The following RRM1 variants were observed in gnomAD, a reference collection of about 807,000 sequenced individuals.
RRM1 encodes ribonucleoside-diphosphate reductase large subunit.
RRM1 carries 19 observed loss-of-function variants against 101.5 expected under a neutral mutation model. The observed-to-expected ratio is 0.19, with a 90% CI of 0.13 to 0.27. The LOEUF (loss-of-function observed/expected upper bound fraction) is 0.27. Ranked by LOEUF, RRM1 falls within the 10% of genes least tolerant of loss-of-function variation. The probability of loss-of-function intolerance (pLI) is 1.00; values close to 1 mark genes in which losing one functional copy is unlikely to be tolerated. For synonymous variants in RRM1, 298 were observed against 323.4 expected (o/e 0.92, Z 0.84); for missense variants, 500 against 962.9 (o/e 0.52, Z 6.36).
rs142474984 is a variant in RRM1 at position 4,118,314 on chromosome 11, C to T, written c.651-6C>T. The T allele has an allele frequency of 3.0e-5, 48 of 1,607,580 alleles. No individual in the cohort carries two copies. Among genetic ancestry groups the T allele is most frequent in the African/African-American group, 6.7e-5 (5 of 74,634 alleles). On this transcript the variant is annotated splice_region_variant and splice_polypyrimidine_tract_variant and intron_variant, in intron 7 of 18. Coordinates refer to ENST00000300738, the MANE Select transcript of RRM1 (RefSeq NM_001033.5). The stretch of plus-strand genomic sequence containing the variant: ...GCTCTAAGTTGAGACATTTTTTCCC[C>T]CGTAGCTGTTTTCTTCTGAGTATGA...
At chr11:4,102,375 A>C (rs1233140374) in intron 2 of RRM1, among the ~76,000 whole-genome samples, 3 of 152,340 alleles carry the variant, frequency 2.0e-5, no homozygotes. Flanking sequence ...GGAAAAGCCT[A>C]GGCCAGGCGC....
chr11:4,103,514 C>T (rs747744935), intron 2 of RRM1, among the ~76,000 whole-genome samples: 31 of 152,230 alleles, frequency 2.0e-4, no homozygotes, highest in African/African-American at 5.8e-4. Context: ...CATTTTAGAG[C>T]GCAAGAATGT....
chr11:4,127,942 G>T (rs1380215130), intron 14 of RRM1, among the ~76,000 whole-genome samples: 2 of 152,138 alleles, frequency 1.3e-5, no homozygotes, highest in Non-Finnish European at 2.9e-5. Flanking sequence ...CAAGATGTTG[G>T]TAAGGGCTGT....
chr11:4,127,391 T>C, intron 14 of RRM1, 135 bp downstream of exon 14: 1 of 545,306 alleles, frequency 1.8e-6, no homozygotes, highest in Non-Finnish European at 3.0e-6. Flanking sequence ...AAAAAAGGTA[T>C]TTTGCAGATG....
chr11:4,118,766 T>C (rs151323181), intron 8 of RRM1, among the ~76,000 whole-genome samples: 1 of 152,242 alleles, frequency 6.6e-6, no homozygotes, highest in South Asian at 2.1e-4. Context: ...AAGTTTGTTA[T>C]AAATGTTTTA....
chr11:4,100,677 T>C (rs11030934), intron 1 of RRM1, among the ~76,000 whole-genome samples: 18 of 138,732 alleles, frequency 1.3e-4, no homozygotes, highest in African/African-American at 4.5e-4. Context: ...GATTTTTTTT[T>C]CCCCCATAGG....
chr11:4,112,974 A>T (rs1397957849), intron 7 of RRM1, among the ~76,000 whole-genome samples: 1 of 152,158 alleles, frequency 6.6e-6, no homozygotes, highest in African/African-American at 2.4e-5. Context: ...TTAAGATAAA[A>T]ATATATATAA....
intron 6 of RRM1, 43 bp downstream of exon 6, chr11:4,111,683 A>G (rs1276600327): frequency 6.7e-7 from 1 of 1,495,258 alleles, no homozygotes; most frequent in Non-Finnish European, 9.2e-7. Context: ...TCTACTCATT[A>G]TATTGAATGT....
intron 5 of RRM1, among the ~76,000 whole-genome samples, chr11:4,110,160 ATTT>A (rs561332791): frequency 5.0e-4 from 75 of 150,402 alleles, no homozygotes; most frequent in African/African-American, 1.7e-3. Context: ...TTAAAAAAAA[ATTT>A]TTTTTTTGAG....
At chr11:4,095,436 G>T (rs534979020) in intron 1 of RRM1, among the ~76,000 whole-genome samples, 25 of 152,308 alleles carry the variant, frequency 1.6e-4, no homozygotes, top group African/African-American at 5.3e-4. Flanking sequence ...ACCCATAGGT[G>T]ACAATACGGT....
At chr11:4,100,197 A>G (rs186708656) in intron 1 of RRM1, among the ~76,000 whole-genome samples, 94 of 152,340 alleles carry the variant, frequency 6.2e-4, no homozygotes, top group African/African-American at 2.2e-3. Flanking sequence ...GTTAATAGTG[A>G]TGTCTTATTG....
rs367663270 is a variant in RRM1 at position 4,120,116 on chromosome 11, G to A, written c.876+188G>A. ...TACAGTTTGATGGGTTTTGACAAAT[G>A]TATACACTTGTGTAATCACCACATT... is the stretch of plus-strand genomic sequence containing the variant. On this transcript the variant is annotated intron_variant, in intron 9 of 18. Coordinates refer to ENST00000300738, the MANE Select transcript of RRM1 (RefSeq NM_001033.5). The A allele has an allele frequency of 4.2e-4, 214 of 505,760 alleles. 2 individuals are homozygous for A. In the South Asian group the frequency reaches 4.7e-3, roughly 11 times the overall value. The allele number at this position is 505,760 out of a possible 1,614,324, so 31.3% of individuals were successfully genotyped here. A position where few individuals can be genotyped will look rare whatever the true frequency, so the allele number is the denominator to read the frequency against.
At position 4,118,307 on chromosome 11, in the gene RRM1, T is replaced by A. The variant is rs772126697; in HGVS notation, c.651-13T>A. On this transcript the variant is annotated splice_polypyrimidine_tract_variant and intron_variant, in intron 7 of 18. Coordinates refer to ENST00000300738, the MANE Select transcript of RRM1 (RefSeq NM_001033.5). ...TTTCCTTGCTCTAAGTTGAGACATT[T>A]TTTCCCCCGTAGCTGTTTTCTTCTG... 6.8e-6 allele frequency: 11 copies of A among 1,608,528 alleles called. No homozygotes were observed. The East Asian group carries it at 2.5e-4, about 36-fold the overall frequency.
chr11:4,128,800 A>C (rs1381887534), intron 14 of RRM1, among the ~76,000 whole-genome samples: 2 of 152,216 alleles, frequency 1.3e-5, no homozygotes, highest in African/African-American at 4.8e-5. Context: ...AAAAAAGAGA[A>C]TGTGTCAGCC....
intron 8 of RRM1, among the ~76,000 whole-genome samples, chr11:4,119,537 C>T (rs1388112333): frequency 1.3e-5 from 2 of 152,106 alleles, no homozygotes; most frequent in African/African-American, 4.8e-5. Context: ...CTTTATATAA[C>T]GACCTTTAGA....
At chr11:4,103,199 C>T (rs1243185516) in intron 2 of RRM1, among the ~76,000 whole-genome samples, 1 of 152,164 alleles carries the variant, frequency 6.6e-6, no homozygotes, top group African/African-American at 2.4e-5. Flanking sequence ...CTTGTGATAT[C>T]CTCAGTGCTT....
chr11:4,122,132 C>A lies in RRM1; in HGVS notation c.1039-9C>A. On this transcript the variant is annotated splice_polypyrimidine_tract_variant and intron_variant, in intron 10 of 18. Transcript: ENST00000300738. ...TTTCTTATGAGTGATTTTGTCCTTT[C>A]CTTTTTAGGACTGGTCTTTGATGTG... 1.2e-6 allele frequency: 2 copies of A among 1,606,760 alleles called. No individual in the cohort carries two copies. Among genetic ancestry groups the A allele is most frequent in the East Asian group, 2.2e-5 (1 of 44,686 alleles).
At chr11:4,107,236 C>G (rs1165929353) in intron 3 of RRM1, among the ~76,000 whole-genome samples, 199 bp from the exon 4 acceptor site, 2 of 152,198 alleles carry the variant, frequency 1.3e-5, no homozygotes, top group African/African-American at 4.8e-5. Context: ...CACTTTAACT[C>G]TAGAAGATTG....
intron 2 of RRM1, among the ~76,000 whole-genome samples, chr11:4,104,727 C>T (rs182877662): frequency 1.2e-3 from 189 of 152,210 alleles, no homozygotes; most frequent in African/African-American, 4.3e-3. Flanking sequence ...TACTTATCAA[C>T]TTTGGTTGAG....
Sources: allele counts gnomAD v4.1 joint callset (sites outside exome capture counted in the v4.1 genomes callset), GRCh38; gene constraint gnomAD v4.1.1; transcripts MANE v1.5; gene names NCBI Gene and HGNC (gene_info 2026-07-23, HGNC 2026-07-21).